HNRNPUL2: variants seen among roughly 807,000 people sequenced by gnomAD.
HNRNPUL2 encodes heterogeneous nuclear ribonucleoprotein U-like protein 2.
In HNRNPUL2, 27 loss-of-function variants were observed where a neutral mutation model predicts 102.2. The ratio of observed to expected loss-of-function variants is 0.26; its 90% confidence interval spans 0.19 to 0.36. The LOEUF is 0.36. HNRNPUL2 is among the 10% of genes least tolerant of loss of function. The pLI is 1.00. For missense variants in HNRNPUL2, 936 were observed against 981.1 expected (o/e 0.95, Z 0.61); for synonymous variants, 458 against 387.2 (o/e 1.18, Z -2.15).
intron 11 of HNRNPUL2, 59 bp downstream of exon 11, chr11:62,716,930 G>A: frequency 3.8e-6 from 6 of 1,580,558 alleles, no homozygotes; most frequent in African/African-American, 1.3e-5. Flanking sequence ...TGCACATCTT[G>A]CTGTACTAAG....
At position 62,721,338 on chromosome 11, in the gene HNRNPUL2, A is replaced by G; in HGVS notation, c.1568T>C (p.Val523Ala). 1 of 1,609,582 alleles carries G rather than the reference A, an allele frequency of 6.2e-7. No homozygotes were observed. The highest frequency in any genetic ancestry group is 8.5e-7 in the Non-Finnish European group (1 of 1,178,632). The change falls in exon 9 of 14, where the codon GTC becomes GCC. Residue 523 changes from valine to alanine, a missense_variant. By Grantham distance (64) the Val-to-Ala change is moderately conservative (BLOSUM62 0). Coordinates refer to ENST00000301785, the MANE Select transcript of HNRNPUL2 (RefSeq NM_001079559.3). Reference sequence around the variant, plus strand: ...CCTCTTTGTCCGGGAAGCAATCTGGACCAGCTTACTAAGGCACTGGGAGGC... The same window carrying G: ...CCTCTTTGTCCGGGAAGCAATCTGGGCCAGCTTACTAAGGCACTGGGAGGC... ...QQASQCLSKL[V>A]QIASRTKRNF...
intron 10 of HNRNPUL2, among the ~76,000 whole-genome samples, chr11:62,718,843 GA>G (rs1290869623): frequency 1.4e-5 from 2 of 148,100 alleles, no homozygotes; most frequent in Non-Finnish European, 3.0e-5. Flanking sequence ...TTTTTTTTGA[GA>G]CCGAGTCTTC....
At chr11:62,720,651 T>G (rs1172730343) in intron 9 of HNRNPUL2, among the ~76,000 whole-genome samples, 1 of 150,292 alleles carries the variant, frequency 6.7e-6, no homozygotes, top group Non-Finnish European at 1.5e-5. Context: ...GATCATGAGG[T>G]CAGGAGATCA....
In HNRNPUL2 at chr11:62,715,558, T is replaced by C; in HGVS notation, c.2105A>G (p.Tyr702Cys). Residue 702 changes from tyrosine (Y) to cysteine (C), a missense_variant, in exon 13 of 14, where the codon TAC becomes TGC. Tyr to Cys is a radical substitution (Grantham distance 194, BLOSUM62 -2). Around this residue, in one of 2 missense-constraint regions of HNRNPUL2, gnomAD observed 609 missense variants for 713.0 expected, o/e 0.85. Transcript: ENST00000301785. ...TCTGTTGTACTCATAATCTCGCCCGTAAAATCGATCATAGTCTCCCCTGTA... is the reference window on the plus strand; with the variant it reads ...TCTGTTGTACTCATAATCTCGCCCGCAAAATCGATCATAGTCTCCCCTGTA... ...DRYRGDYDRF[Y>C]GRDYEYNRYR... is the part of the protein sequence containing the mutation. The C allele has an allele frequency of 6.2e-7, 1 of 1,613,436 alleles. No individual in the cohort carries two copies. Among genetic ancestry groups the C allele is most frequent in the Non-Finnish European group, 8.5e-7 (1 of 1,179,524 alleles).
rs1286612697 is a variant in HNRNPUL2 at position 62,726,613 on chromosome 11, C to A, written c.538+6G>T. 5.1e-6 allele frequency: 8 copies of A among 1,570,980 alleles called. No individual in the cohort carries two copies. The highest frequency in any genetic ancestry group is 6.9e-6 in the Non-Finnish European group (8 of 1,165,268). On this transcript the variant is annotated splice_donor_region_variant and intron_variant, in intron 1 of 13. Coordinates refer to ENST00000301785, the MANE Select transcript of HNRNPUL2 (RefSeq NM_001079559.3). ...TTGGAGCCGGGCTCGGCTGCCAGCT[C>A]CTCACCCTGTTCCTCGGCGGCCTTG...
At chr11:62,715,410 G>A (rs766162353) in intron 13 of HNRNPUL2, 31 bp from the exon 14 acceptor site, 1 of 1,602,756 alleles carries the variant, frequency 6.2e-7, no homozygotes, top group Admixed American at 1.7e-5. Context: ...ATCACTTGGA[G>A]CCAGAGCTGG....
In HNRNPUL2 at chr11:62,726,744, G is replaced by A; in HGVS notation, c.413C>T (p.Ser138Leu). 6.2e-7 allele frequency: 1 copy of A among 1,601,134 alleles called. No homozygotes were observed. The highest frequency in any genetic ancestry group is 8.5e-7 in the Non-Finnish European group (1 of 1,179,672). The change falls in exon 1 of 14, where the codon TCA becomes TTA. Residue 138 changes from serine to leucine, a missense_variant. Ser to Leu is a moderately radical substitution (Grantham distance 145). Transcript: ENST00000301785. Reference sequence around the variant, plus strand: ...CTCTTCGCCACCATTTACCCCGCCTGACCCGGCCGTGGCCTCCGCCGGCTT... The same window carrying A: ...CTCTTCGCCACCATTTACCCCGCCTAACCCGGCCGTGGCCTCCGCCGGCTT... ...SEKPAEATAG[S>L]GGVNGGEEQG...
At position 62,723,740 on chromosome 11, in the gene HNRNPUL2, A is replaced by C. The variant is rs1305381319; in HGVS notation, c.752-14T>G. ...GATCCGAGGTATCTGTAAAGAAAGA[A>C]GCAATCAGTTTACTCCAATGTCCAA... On this transcript the variant is annotated splice_polypyrimidine_tract_variant and intron_variant, in intron 3 of 13. Transcript: ENST00000301785. 1.2e-6 allele frequency: 2 copies of C among 1,614,110 alleles called. No individual in the cohort carries two copies. The highest frequency in any genetic ancestry group is 1.7e-6 in the Non-Finnish European group (2 of 1,179,974).
At chr11:62,721,604 C>G (rs769685084) in intron 8 of HNRNPUL2, among the ~76,000 whole-genome samples, 181 bp from the exon 9 acceptor site, 3 of 152,102 alleles carry the variant, frequency 2.0e-5, no homozygotes, top group Non-Finnish European at 4.4e-5. Context: ...TCTATCTAGT[C>G]TTAACCTGGA....
In HNRNPUL2 at chr11:62,717,233, G is replaced by A. The variant is rs192018309; in HGVS notation, c.1781-44C>T. On this transcript the variant is annotated intron_variant, in intron 10 of 13. Coordinates refer to ENST00000301785, the MANE Select transcript of HNRNPUL2 (RefSeq NM_001079559.3). ...AGCTTGTGGGCCTGAAAAGTGCATAGATGGGTAAGAACTCATTATGAAAAC... is the reference window on the plus strand; with the variant it reads ...AGCTTGTGGGCCTGAAAAGTGCATAAATGGGTAAGAACTCATTATGAAAAC... 6.6e-5 allele frequency: 95 copies of A among 1,448,364 alleles called. No homozygotes were observed. The Admixed American group carries it at 1.3e-3, about 20-fold the overall frequency. 89.7% of individuals were successfully genotyped at this position (1,448,364 alleles called of 1,614,324 possible).
chr11:62,721,185 A>G, intron 9 of HNRNPUL2, 110 bp downstream of exon 9: 1 of 1,037,980 alleles, frequency 9.6e-7, no homozygotes, highest in Non-Finnish European at 1.4e-6. Context: ...TTGCAACCAT[A>G]ACACACAACC....
In HNRNPUL2 at chr11:62,727,274, C is replaced by T; in HGVS notation, c.-118G>A. On this transcript the variant is annotated 5_prime_UTR_variant, in exon 1 of 14. Transcript: ENST00000301785. ...TCCGCCTCACGCGCCAGCACTGAGC[C>T]CGCGCGAGCGAGCGCACGCACGCAG... 1.7e-6 allele frequency: 2 copies of T among 1,198,856 alleles called. No individual in the cohort carries two copies. The highest frequency in any genetic ancestry group is 2.1e-6 in the Non-Finnish European group (2 of 961,624). The allele number at this position is 1,198,856 out of a possible 1,614,324, so 74.3% of individuals were successfully genotyped here.
At chr11:62,719,945 A>C in intron 10 of HNRNPUL2, 78 bp downstream of exon 10, 1 of 1,361,062 alleles carries the variant, frequency 7.3e-7, no homozygotes. Context: ...GAATGAGGGA[A>C]ATAAACCTCT....
intron 12 of HNRNPUL2, 92 bp downstream of exon 12, chr11:62,715,772 C>A (rs896368593): frequency 1.6e-6 from 2 of 1,284,642 alleles, no homozygotes; most frequent in Non-Finnish European, 1.1e-6. Flanking sequence ...AACCCTAAGC[C>A]CTAAGAAAAC....
chr11:62,724,371 C>G lies in HNRNPUL2; in HGVS notation c.594G>C (p.Arg198=). The G allele has an allele frequency of 6.2e-7, 1 of 1,613,830 alleles. No individual in the cohort carries two copies. The highest frequency in any genetic ancestry group is 8.5e-7 in the Non-Finnish European group (1 of 1,179,852). ...TCTCATCCCGCTGTCTCTTTACCCCCCGCCGCTCACCATCTGAGCCTGCTG... is the reference window on the plus strand; with the variant it reads ...TCTCATCCCGCTGTCTCTTTACCCCGCGCCGCTCACCATCTGAGCCTGCTG... ...SKPAGSDGER[R]GVKRQRDEKD... Residue 198 remains arginine (R), a synonymous_variant, in exon 2 of 14, where the codon CGG becomes CGC. Coordinates refer to ENST00000301785, the MANE Select transcript of HNRNPUL2 (RefSeq NM_001079559.3).
rs2083633521 is a variant in HNRNPUL2, at chr11:62,713,343, T to C, written c.*1956A>G. 1 of 152,242 alleles carries C rather than the reference T, an allele frequency of 6.6e-6. No individual in the cohort carries two copies. Among genetic ancestry groups the C allele is most frequent in the African/African-American group, 2.4e-5 (1 of 41,462 alleles). 9.4% of individuals were successfully genotyped at this position (152,242 alleles called of 1,614,324 possible). A position where few individuals can be genotyped will look rare whatever the true frequency, so the allele number is the denominator to read the frequency against. On this transcript the variant is annotated 3_prime_UTR_variant, in exon 14 of 14. Transcript: ENST00000301785. ...ATAATCTTGCCCTAAGGGAATTTCT[T>C]TGGGCTCCAGTTTTTACCTCCTTGC...
In HNRNPUL2 at chr11:62,726,975, G is replaced by A; in HGVS notation, c.182C>T (p.Pro61Leu). Residue 61 changes from proline to leucine, a missense_variant, in exon 1 of 14, where the codon CCT becomes CTT. Pro to Leu is a moderately conservative substitution (Grantham distance 98). This residue lies in a region of HNRNPUL2 where 327 missense variants were observed against 268.1 expected (regional missense o/e 1.22). Transcript: ENST00000301785. ...GCCGCCCGACGCGGCCACAGGCCGAGGCTCCGCCTTGCAGGCCCCGCCGGG... is the reference window on the plus strand; with the variant it reads ...GCCGCCCGACGCGGCCACAGGCCGAAGCTCCGCCTTGCAGGCCCCGCCGGG... ...AGPGGACKAEPRPVAASGGGP... is the reference protein window; with the variant it reads ...AGPGGACKAELRPVAASGGGP... The A allele has an allele frequency of 2.1e-6, 3 of 1,406,394 alleles. No homozygotes were observed. Among genetic ancestry groups the A allele is most frequent in the Non-Finnish European group, 2.8e-6 (3 of 1,083,608 alleles). 87.1% of individuals were successfully genotyped at this position (1,406,394 alleles called of 1,614,324 possible). A position where few individuals can be genotyped will look rare whatever the true frequency, so the allele number is the denominator to read the frequency against.
intron 10 of HNRNPUL2, among the ~76,000 whole-genome samples, chr11:62,717,821 A>G (rs1461010743): frequency 6.6e-6 from 1 of 152,210 alleles, no homozygotes; most frequent in East Asian, 1.9e-4. Context: ...ACCCAAGCCT[A>G]AAGGCATCTG....
At position 62,715,907 on chromosome 11, in the gene HNRNPUL2, C is replaced by A. The variant is rs1317770201; in HGVS notation, c.2012G>T (p.Arg671Leu). Residue 671 changes from arginine to leucine, a missense_variant, in exon 12 of 14, where the codon CGG becomes CTG. This residue lies in a region of HNRNPUL2 where 609 missense variants were observed against 713.0 expected (regional missense o/e 0.85). Coordinates refer to ENST00000301785, the MANE Select transcript of HNRNPUL2 (RefSeq NM_001079559.3). ...CCCCCAGTACTGCTGCCCGTAGGCC[C>A]GGTTGTCGTAGCCTCGGCGCTGCCC... ...VGGQRRGYDN[R>L]AYGQQYWGQP... 6.2e-7 allele frequency: 1 copy of A among 1,611,862 alleles called. No individual in the cohort carries two copies. Among genetic ancestry groups the A allele is most frequent in the Non-Finnish European group, 8.5e-7 (1 of 1,179,002 alleles).
Sources: gnomAD v4.1 joint callset for allele counts (sites outside exome capture counted in the v4.1 genomes callset) on GRCh38, gnomAD v4.1.1 for gene constraint, gnomAD v4.1.1 regional missense constraint, MANE v1.5 for transcripts, NCBI Gene and HGNC (gene_info 2026-07-23, HGNC 2026-07-21) for gene names.